The following NUBPL variants were observed in gnomAD, a reference collection of about 807,000 sequenced individuals.
NUBPL encodes the protein NUBP iron-sulfur cluster assembly factor, mitochondrial.
Under a neutral mutation model 45.7 loss-of-function variants are expected in NUBPL, and 31 were observed. That is an observed-to-expected ratio of 0.68 (90% CI 0.51 to 0.92). NUBPL has a LOEUF of 0.92. NUBPL is among the 40% of genes least tolerant of loss of function. The pLI is 0.00. For synonymous variants in NUBPL, 144 were observed against 140.9 expected (o/e 1.02, Z -0.15); for missense variants, 401 against 398.7 (o/e 1.01, Z -0.05).
At chr14:31,702,295 G>A (rs1009520174) in intron 6 of NUBPL, among the ~76,000 whole-genome samples, 7 of 152,200 alleles carry the variant, frequency 4.6e-5, no homozygotes, top group Non-Finnish European at 7.3e-5. Context: ...GAGCCTTGAT[G>A]TTCAGAGTTT....
chr14:31,710,399 C>T (rs142236678), intron 6 of NUBPL, among the ~76,000 whole-genome samples: 222 of 152,226 alleles, frequency 1.5e-3, no homozygotes, highest in Middle Eastern at 0.014. Context: ...CCCTGCTGAT[C>T]GGAATAGTTG....
intron 6 of NUBPL, among the ~76,000 whole-genome samples, chr14:31,759,201 T>C (rs2138719387): frequency 6.6e-6 from 1 of 152,314 alleles, no homozygotes; most frequent in African/African-American, 2.4e-5. Context: ...TTATTCTTTT[T>C]TAAATTTCTT....
In NUBPL at chr14:31,642,014, T is replaced by A. The variant is rs189260372; in HGVS notation, c.383-31341T>A. Among the ~76,000 whole-genome samples, 16 of 152,326 alleles carry A rather than the reference T, an allele frequency of 1.1e-4. No homozygotes were observed. In the East Asian group the frequency reaches 2.1e-3, roughly 20 times the overall value. On this transcript the variant is annotated intron_variant, in intron 4 of 10. Transcript: ENST00000281081. ...AACATCTATTCAAATCTTTTGCCTATTTAAAAATCAGGTTATTATTATTTT... is the reference window on the plus strand; with the variant it reads ...AACATCTATTCAAATCTTTTGCCTAATTAAAAATCAGGTTATTATTATTTT...
Position 31,750,481 on chromosome 14 carries a change from G to C in NUBPL, c.514-37299G>C, listed in dbSNP as rs557307847. Among the ~76,000 whole-genome samples, 993 of 151,682 alleles carry C rather than the reference G, an allele frequency of 6.5e-3. 13 individuals are homozygous for C. The highest frequency in any genetic ancestry group is 0.022 in the African/African-American group (930 of 41,378). ...CAAAGTGCTGGGATTACAAGCGTGA[G>C]CCACCGCGCCTGGCCACAATCATTA... On this transcript the variant is annotated intron_variant, in intron 6 of 10. Coordinates refer to ENST00000281081, the MANE Select transcript of NUBPL (RefSeq NM_025152.3).
chr14:31,809,433 G>A (rs2039756263), intron 7 of NUBPL, among the ~76,000 whole-genome samples: 1 of 152,158 alleles, frequency 6.6e-6, no homozygotes, highest in Non-Finnish European at 1.5e-5. Context: ...TCTGATGGTA[G>A]TTTGTATTTC....
At chr14:31,706,387 C>G (rs1303346142) in intron 6 of NUBPL, among the ~76,000 whole-genome samples, 1 of 152,070 alleles carries the variant, frequency 6.6e-6, no homozygotes, top group Non-Finnish European at 1.5e-5. Flanking sequence ...AGCTTGATGG[C>G]CTCAATTCTA....
At position 31,599,295 on chromosome 14, in the gene NUBPL, G is replaced by C; in HGVS notation, c.298G>C (p.Ala100Pro). ...TTTATTTATTTTTTTACAGTCCAAG[G>C]CCATTGGTTTGCTAGATGTGGATGT... ...LALAANDSSKAIGLLDVDVYG... is the reference protein window; with the variant it reads ...LALAANDSSKPIGLLDVDVYG... Residue 100 changes from alanine to proline, a missense_variant, in exon 4 of 11, where the codon GCC becomes CCC. Transcript: ENST00000281081. 6.2e-7 allele frequency: 1 copy of C among 1,608,218 alleles called. No individual in the cohort carries two copies. The highest frequency in any genetic ancestry group is 8.5e-7 in the Non-Finnish European group (1 of 1,175,350).
At chr14:31,575,917 T>A (rs1038444923) in intron 3 of NUBPL, among the ~76,000 whole-genome samples, 12 of 152,244 alleles carry the variant, frequency 7.9e-5, no homozygotes, top group African/African-American at 2.9e-4. Flanking sequence ...CATTATTTTT[T>A]GCTTTTTGCT....
chr14:31,680,698 T>C (rs1307127796), intron 6 of NUBPL, among the ~76,000 whole-genome samples: 7 of 151,718 alleles, frequency 4.6e-5, no homozygotes. Flanking sequence ...AATGTGGTAT[T>C]CGCATACAAT....
intron 4 of NUBPL, among the ~76,000 whole-genome samples, chr14:31,635,390 A>G (rs1313216082): frequency 6.6e-6 from 1 of 152,058 alleles, no homozygotes; most frequent in African/African-American, 2.4e-5. Context: ...GTCAAAGATC[A>G]GATAGTTGTA....
At chr14:31,836,801 TAATA>T (rs1433771869) in intron 8 of NUBPL, among the ~76,000 whole-genome samples, 1 of 152,188 alleles carries the variant, frequency 6.6e-6, no homozygotes, top group African/African-American at 2.4e-5. Flanking sequence ...TTCTCTTTTT[TAATA>T]AATCAAAGAT....
chr14:31,770,396 C>A (rs2038987898), intron 6 of NUBPL, among the ~76,000 whole-genome samples: 3 of 152,104 alleles, frequency 2.0e-5, no homozygotes, highest in Admixed American at 2.0e-4. Flanking sequence ...GCTGAGTCTA[C>A]TTCTGGGTGG....
intron 3 of NUBPL, among the ~76,000 whole-genome samples, chr14:31,585,939 C>T (rs2033985353): frequency 6.6e-6 from 1 of 152,162 alleles, no homozygotes; most frequent in Non-Finnish European, 1.5e-5. Context: ...TAATGCTTAA[C>T]ATTATCTTTA....
intron 7 of NUBPL, among the ~76,000 whole-genome samples, chr14:31,820,665 A>C (rs1457819590): frequency 6.6e-6 from 1 of 151,104 alleles, no homozygotes; most frequent in East Asian, 1.9e-4. Context: ...CTCTGCCAAA[A>C]ATACAAAAAT....
intron 4 of NUBPL, among the ~76,000 whole-genome samples, chr14:31,623,786 C>G (rs2035132835): frequency 6.6e-6 from 1 of 152,050 alleles, no homozygotes; most frequent in Non-Finnish European, 1.5e-5. Context: ...GGGGGAATAG[C>G]AGGTGTTAAA....
At chr14:31,735,240 A>G (rs1216623613) in intron 6 of NUBPL, among the ~76,000 whole-genome samples, 1 of 150,992 alleles carries the variant, frequency 6.6e-6, no homozygotes, top group Non-Finnish European at 1.5e-5. Context: ...GTAGATTTCT[A>G]TGTAATTTGT....
intron 7 of NUBPL, among the ~76,000 whole-genome samples, chr14:31,813,628 C>T (rs995264252): frequency 1.3e-5 from 2 of 151,640 alleles, no homozygotes; most frequent in African/African-American, 2.4e-5. Flanking sequence ...TGGTGGTTTC[C>T]TGCACCCATC....
chr14:31,591,892 A>G (rs1394338917), intron 3 of NUBPL, among the ~76,000 whole-genome samples: 1 of 152,180 alleles, frequency 6.6e-6, no homozygotes, highest in Non-Finnish European at 1.5e-5. Context: ...TTCAACAAAT[A>G]TTGAGTTTTT....
At chr14:31,733,721 A>C (rs534460655) in intron 6 of NUBPL, among the ~76,000 whole-genome samples, 32 of 152,316 alleles carry the variant, frequency 2.1e-4, no homozygotes, top group African/African-American at 7.2e-4. Flanking sequence ...CATGTCATCT[A>C]GGAATAGGAG....
Sources: gnomAD v4.1 joint callset for allele counts (sites outside exome capture counted in the v4.1 genomes callset) on GRCh38, gnomAD v4.1.1 for gene constraint, MANE v1.5 for transcripts, NCBI Gene and HGNC (gene_info 2026-07-23, HGNC 2026-07-21) for gene names.